VAV2: variants seen among roughly 807,000 people sequenced by gnomAD.
VAV2 encodes guanine nucleotide exchange factor VAV2.
VAV2 carries 67 observed loss-of-function variants against 132.5 expected under a neutral mutation model. That is an observed-to-expected ratio of 0.51 (90% CI 0.42 to 0.62). The LOEUF is 0.62. Among genes scored for constraint, VAV2 ranks in the 20% least tolerant of loss-of-function variants. The pLI, the probability that VAV2 is intolerant of heterozygous loss-of-function variation, is 0.00. For missense variants in VAV2, 938 were observed against 1,153.6 expected (o/e 0.81, Z 2.71); for synonymous variants, 492 against 443.5 (o/e 1.11, Z -1.37).
At chr9:133,971,217 CTG>C (rs1842322998) in intron 1 of VAV2, among the ~76,000 whole-genome samples, 1 of 152,216 alleles carries the variant, frequency 6.6e-6, no homozygotes, top group African/African-American at 2.4e-5. Flanking sequence ...GTAACTGCTG[CTG>C]TGAGGCCTGT....
At chr9:133,911,037 C>G (rs1839867700) in intron 2 of VAV2, among the ~76,000 whole-genome samples, 1 of 152,118 alleles carries the variant, frequency 6.6e-6, no homozygotes, top group African/African-American at 2.4e-5. Flanking sequence ...CCTGAGCACC[C>G]CAGCTCCTGG....
intron 1 of VAV2, among the ~76,000 whole-genome samples, chr9:133,947,298 T>A (rs1029201360): frequency 1.3e-5 from 2 of 152,128 alleles, no homozygotes; most frequent in Non-Finnish European, 2.9e-5. Flanking sequence ...CAGGGACCCA[T>A]TAGCTGGTCA....
At chr9:133,904,847 A>G (rs1405913577) in intron 2 of VAV2, among the ~76,000 whole-genome samples, 2 of 152,202 alleles carry the variant, frequency 1.3e-5, no homozygotes, top group African/African-American at 4.8e-5. Context: ...CTAGGCACAA[A>G]ATACTCTTTC....
chr9:133,805,073 G>A (rs932739822), intron 9 of VAV2, among the ~76,000 whole-genome samples: 6 of 152,116 alleles, frequency 3.9e-5, no homozygotes, highest in African/African-American at 1.2e-4. Flanking sequence ...ATCCAGCCCT[G>A]GGCCTGTCCC....
chr9:133,818,321 G>A (rs1004589183), intron 4 of VAV2, among the ~76,000 whole-genome samples: 20 of 149,598 alleles, frequency 1.3e-4, no homozygotes, highest in African/African-American at 7.4e-5. Flanking sequence ...AGGTGAGATC[G>A]CGCCACTGCA....
In VAV2 at chr9:133,912,843, G is replaced by A. The variant is rs148882624; in HGVS notation, c.321+26260C>T. Reference sequence around the variant, plus strand: ...CTCTAAAATCAGAGTCGTCCTGTGAGCCAGTGACCACTCGTCCCAAACATA... The same window carrying A: ...CTCTAAAATCAGAGTCGTCCTGTGAACCAGTGACCACTCGTCCCAAACATA... On this transcript the variant is annotated intron_variant, in intron 2 of 29. Transcript: ENST00000371850. This position sits in a 1 kb window ranked among gnomAD's most constrained non-coding sequence, Gnocchi z 4.3. Among the ~76,000 whole-genome samples, 147 of 152,308 alleles carry A rather than the reference G, an allele frequency of 9.7e-4. No homozygotes were observed. Among genetic ancestry groups the A allele is most frequent in the Middle Eastern group, 3.4e-3 (1 of 294 alleles).
At chr9:133,801,796 G>A (rs997812172) in intron 9 of VAV2, among the ~76,000 whole-genome samples, 1 of 152,150 alleles carries the variant, frequency 6.6e-6, no homozygotes, top group Non-Finnish European at 1.5e-5. Context: ...ATGTGGAGAT[G>A]GGGACAGAGA....
Position 133,813,330 on chromosome 9 carries a change from C to A in VAV2, c.450-1114G>T, listed in dbSNP as rs148191333. 2.3e-3 allele frequency among the ~76,000 whole-genome samples: 348 copies of A among 152,332 alleles called. 3 individuals carry two copies. Among genetic ancestry groups the A allele is most frequent in the Non-Finnish European group, 3.8e-3 (256 of 68,026 alleles). Reference sequence around the variant, plus strand: ...AGCACGCAGGGAGGCGAGGCAGGGACAGAAGCCGGGGCAGGAGCAATCCCT... The same window carrying A: ...AGCACGCAGGGAGGCGAGGCAGGGAAAGAAGCCGGGGCAGGAGCAATCCCT... On this transcript the variant is annotated intron_variant, in intron 4 of 29. Transcript: ENST00000371850.
In VAV2 at chr9:133,991,612, C is replaced by T. The variant is rs1057108389; in HGVS notation, c.204+463G>A. ...GCTCCCGCCCCGCGCCCCTCCCGGGCCCTCCAGCCGCGCCCCGGGCCGGCG... is the reference window on the plus strand; with the variant it reads ...GCTCCCGCCCCGCGCCCCTCCCGGGTCCTCCAGCCGCGCCCCGGGCCGGCG... On this transcript the variant is annotated intron_variant, in intron 1 of 29. Coordinates refer to ENST00000371850, the MANE Select transcript of VAV2 (RefSeq NM_001134398.2). The surrounding 1 kb of genome is among the most constrained non-coding windows in gnomAD (Gnocchi z 4.8). 8.6e-5 allele frequency among the ~76,000 whole-genome samples: 13 copies of T among 151,636 alleles called. No individual in the cohort carries two copies. The highest frequency in any genetic ancestry group is 2.9e-4 in the African/African-American group (12 of 41,480).
chr9:133,934,064 T>C (rs532950498), intron 2 of VAV2, among the ~76,000 whole-genome samples: 2,903 of 151,094 alleles, frequency 0.019, 96 homozygotes, highest in African/African-American at 0.066. Flanking sequence ...GAATGATTGA[T>C]GGATAGATGG....
chr9:133,884,226 G>T lies in VAV2; in HGVS notation c.322-22794C>A, dbSNP rs1275362840. ...AAAATAAATGGTAACCAACCCCCAC[G>T]TGCACACGTGCAATGAAGCCACCTA... On this transcript the variant is annotated intron_variant, in intron 2 of 29. Transcript: ENST00000371850. The surrounding 1 kb of genome is among the most constrained non-coding windows in gnomAD (Gnocchi z 5.3). Among the ~76,000 whole-genome samples the T allele has an allele frequency of 6.6e-6, 1 of 151,908 alleles. No homozygotes were observed. The highest frequency in any genetic ancestry group is 1.5e-5 in the Non-Finnish European group (1 of 67,996).
At chr9:133,931,988 G>A (rs1564475558) in intron 2 of VAV2, among the ~76,000 whole-genome samples, 2 of 152,282 alleles carry the variant, frequency 1.3e-5, no homozygotes, top group South Asian at 4.1e-4. Context: ...CTTCCCTCCC[G>A]CAGACCTGTG....
intron 1 of VAV2, among the ~76,000 whole-genome samples, chr9:133,977,559 A>G (rs534856612): frequency 6.6e-6 from 1 of 152,136 alleles, no homozygotes; most frequent in Non-Finnish European, 1.5e-5. Context: ...CCCTCCACGC[A>G]TGACAGCTGT....
At position 133,763,953 on chromosome 9, in the gene VAV2, A is replaced by T. The variant is rs1235260723; in HGVS notation, c.*109T>A. 8 of 1,328,864 alleles carry T rather than the reference A, an allele frequency of 6.0e-6. No homozygotes were observed. Among genetic ancestry groups the T allele is most frequent in the Non-Finnish European group, 8.6e-6 (8 of 927,746 alleles). 82.3% of individuals were successfully genotyped at this position (1,328,864 alleles called of 1,614,324 possible). A position where few individuals can be genotyped will look rare whatever the true frequency, so the allele number is the denominator to read the frequency against. On this transcript the variant is annotated 3_prime_UTR_variant, in exon 30 of 30. Transcript: ENST00000371850. The surrounding 1 kb of genome is among the most constrained non-coding windows in gnomAD (Gnocchi z 6.8). ...TCCCTATCCCTGTGGGCAGTGGAAG[A>T]CTGGGAGGTTGGTATTTCCCCTCTG...
In VAV2 at chr9:133,802,751, CCT is replaced by C. The variant is rs66546768; in HGVS notation, c.836+3328_836+3329del. ...TCTGCCCATTTTCCTCATGGTATCA[CCT>C]CTGCCTCCAGTCCACACAGCCCCAA... On this transcript the variant is annotated intron_variant, in intron 9 of 29. Transcript: ENST00000371850. This position sits in a 1 kb window ranked among gnomAD's most constrained non-coding sequence, Gnocchi z 5.8. Among the ~76,000 whole-genome samples the C allele has an allele frequency of 0.14, 21,802 of 152,172 alleles. 3,817 individuals are homozygous for C. Among genetic ancestry groups the C allele is most frequent in the African/African-American group, 0.42 (17,262 of 41,420 alleles).
intron 11 of VAV2, 115 bp from the exon 12 acceptor site, chr9:133,795,851 C>T: frequency 8.7e-7 from 1 of 1,144,172 alleles, no homozygotes; most frequent in Non-Finnish European, 1.2e-6. Flanking sequence ...GAAAGCCACC[C>T]CCACCCGCCA....
intron 2 of VAV2, among the ~76,000 whole-genome samples, chr9:133,878,424 G>C (rs929583784): frequency 1.3e-5 from 2 of 152,346 alleles, no homozygotes; most frequent in Admixed American, 6.5e-5. Context: ...TCCATCCCCA[G>C]CCAGGTGGCC....
rs79009409 is a variant in VAV2, at chr9:133,884,302, C to A, written c.322-22870G>T. Among the ~76,000 whole-genome samples the A allele has an allele frequency of 5.5e-3, 838 of 152,340 alleles. 5 individuals are homozygous for A. Among genetic ancestry groups the A allele is most frequent in the African/African-American group, 0.019 (787 of 41,564 alleles). On this transcript the variant is annotated intron_variant, in intron 2 of 29. Transcript: ENST00000371850. The surrounding 1 kb of genome is among the most constrained non-coding windows in gnomAD (Gnocchi z 5.3). ...ATGAACATGTGATCATTACCCACCA[C>A]CACCACGCGTCCTGCCTCCCAGCTG...
At chr9:133,959,515 C>A (rs778006588) in intron 1 of VAV2, among the ~76,000 whole-genome samples, 9 of 152,112 alleles carry the variant, frequency 5.9e-5, no homozygotes, top group Non-Finnish European at 1.3e-4. Flanking sequence ...CCCCTCCCTA[C>A]CAGGGAGCCC....
Sources: gnomAD v4.1 joint callset for allele counts (sites outside exome capture counted in the v4.1 genomes callset) on GRCh38, gnomAD v4.1.1 for gene constraint, Gnocchi (gnomAD v3.1) non-coding constraint, MANE v1.5 for transcripts, NCBI Gene and HGNC (gene_info 2026-07-23, HGNC 2026-07-21) for gene names.